PDS5A: variants seen among roughly 807,000 people sequenced by gnomAD.
PDS5A encodes the protein sister chromatid cohesion protein PDS5 homolog A.
In PDS5A, 42 loss-of-function variants were observed where a neutral mutation model predicts 167.1. The observed-to-expected ratio is 0.25, with a 90% confidence interval of 0.20 to 0.33. The LOEUF is 0.33. Among genes scored for constraint, PDS5A ranks in the 10% least tolerant of loss-of-function variants. The pLI is 1.00. For missense variants in PDS5A, 1,033 were observed against 1,605.9 expected (o/e 0.64, Z 6.10); for synonymous variants, 553 against 554.6 (o/e 1.00, Z 0.04).
intron 9 of PDS5A, among the ~76,000 whole-genome samples, chr4:39,912,966 A>G (rs1724022247): frequency 6.6e-6 from 1 of 152,210 alleles, no homozygotes; most frequent in Non-Finnish European, 1.5e-5. Context: ...TAAATGAAAA[A>G]GTTGGTAGGC....
intron 32 of PDS5A, among the ~76,000 whole-genome samples, chr4:39,829,211 G>C (rs763556731): frequency 6.6e-6 from 1 of 152,154 alleles, no homozygotes; most frequent in African/African-American, 2.4e-5. Context: ...AAATGCAGGT[G>C]GAATGTCAAA....
At chr4:39,971,479 A>G (rs993589098) in intron 2 of PDS5A, among the ~76,000 whole-genome samples, 1 of 151,408 alleles carries the variant, frequency 6.6e-6, no homozygotes, top group Non-Finnish European at 1.5e-5. Context: ...TTTTTTAATG[A>G]GACAGAGTCT....
chr4:39,936,478 A>G (rs1445552621), intron 2 of PDS5A, among the ~76,000 whole-genome samples: 1 of 152,184 alleles, frequency 6.6e-6, no homozygotes, highest in Admixed American at 6.6e-5. Flanking sequence ...GCTGTCACCC[A>G]GGCTGGAGTG....
chr4:39,884,641 CCT>C (rs948727327), intron 17 of PDS5A, among the ~76,000 whole-genome samples: 5 of 152,148 alleles, frequency 3.3e-5, no homozygotes, highest in African/African-American at 1.2e-4. Flanking sequence ...CTCCTTAGCC[CCT>C]CTTTGGTTTC....
intron 32 of PDS5A, among the ~76,000 whole-genome samples, chr4:39,835,591 C>T (rs76692137): frequency 0.037 from 5,647 of 152,142 alleles, 323 homozygotes; most frequent in African/African-American, 0.13. Context: ...GGCCGGATCT[C>T]GGCTCACTGC....
chr4:39,906,979 A>G (rs1723435441), intron 11 of PDS5A, among the ~76,000 whole-genome samples: 1 of 150,940 alleles, frequency 6.6e-6, no homozygotes, highest in East Asian at 2.0e-4. Context: ...TCCTGTTCCC[A>G]AATTTCTAGA....
chr4:39,897,123 G>A (rs970740785), intron 16 of PDS5A, among the ~76,000 whole-genome samples: 5 of 152,158 alleles, frequency 3.3e-5, no homozygotes, highest in African/African-American at 9.7e-5. Context: ...GCCTGGGTGT[G>A]TGGCTCATGC....
At chr4:39,872,261 C>CT (rs1720107789) in intron 21 of PDS5A, among the ~76,000 whole-genome samples, 1 of 147,106 alleles carries the variant, frequency 6.8e-6, no homozygotes, top group African/African-American at 2.5e-5. Context: ...ACTGCAACCT[C>CT]TGCCTTCTGG....
chr4:39,904,872 T>C (rs565708949), intron 11 of PDS5A, among the ~76,000 whole-genome samples: 142 of 152,326 alleles, frequency 9.3e-4, no homozygotes, highest in Middle Eastern at 3.4e-3. Flanking sequence ...TTTGATTCTA[T>C]TGAAAGAAAA....
intron 2 of PDS5A, among the ~76,000 whole-genome samples, chr4:39,941,121 T>C (rs1727184507): frequency 6.6e-6 from 1 of 152,232 alleles, no homozygotes; most frequent in Admixed American, 6.5e-5. Context: ...AGTTTTACTT[T>C]TCTCCAATTT....
At position 39,973,668 on chromosome 4, in the gene PDS5A, G is replaced by A. The variant is rs888261023; in HGVS notation, c.138+2772C>T. 3.0e-5 allele frequency: 39 copies of A among 1,293,874 alleles called. No individual in the cohort carries two copies. The East Asian group carries it at 4.6e-4, about 15-fold the overall frequency. 80.1% of individuals were successfully genotyped at this position (1,293,874 alleles called of 1,614,324 possible). A position where few individuals can be genotyped will look rare whatever the true frequency, so the allele number is the denominator to read the frequency against. Reference sequence around the variant, plus strand: ...GTAGAACTGTGGCCACAAAACCATCGTATGTAGCTTTAGCTCAGCGCAAAG... The same window carrying A: ...GTAGAACTGTGGCCACAAAACCATCATATGTAGCTTTAGCTCAGCGCAAAG... On this transcript the variant is annotated intron_variant, in intron 2 of 32. Coordinates refer to ENST00000303538, the MANE Select transcript of PDS5A (RefSeq NM_001100399.2).
chr4:39,913,786 C>A (rs1724102382), intron 8 of PDS5A, 60 bp from the exon 9 acceptor site: 2 of 884,940 alleles, frequency 2.3e-6, no homozygotes, highest in Non-Finnish European at 3.8e-6. Flanking sequence ...CAGAAAATAT[C>A]TTGAAACATT....
At position 39,838,201 on chromosome 4, in the gene PDS5A, T is replaced by C; in HGVS notation, c.3665A>G (p.Asn1222Ser). The stretch of plus-strand genomic sequence containing the variant: ...GTTGCCCTGGGTAGCCTGATCAGAA[T>C]TAATTTCCTAAAAAAGCACAAAACA... ...NIDPVKNKEI[N>S]SDQATQGNIS... is the part of the protein sequence containing the mutation. Residue 1222 changes from asparagine to serine, a missense_variant, in exon 32 of 33, where the codon AAT (asparagine) becomes AGT (serine). Physicochemically the swap from Asn to Ser is conservative, Grantham distance 46 (BLOSUM62 1). Transcript: ENST00000303538. 1 of 1,555,622 alleles carries C rather than the reference T, an allele frequency of 6.4e-7. No homozygotes were observed. The highest frequency in any genetic ancestry group is 8.7e-7 in the Non-Finnish European group (1 of 1,156,044).
At chr4:39,901,266 C>CTTTTTTTTTTTTTTTTTT (rs772230554) in intron 13 of PDS5A, among the ~76,000 whole-genome samples, 11 of 121,272 alleles carry the variant, frequency 9.1e-5, no homozygotes, top group East Asian at 2.5e-4. Flanking sequence ...TCTTTTCTTT[C>CTTTTTTTTTTTTTTTTTT]TTTTTTTTTT....
intron 2 of PDS5A, among the ~76,000 whole-genome samples, chr4:39,965,825 G>A (rs1176664133): frequency 6.6e-6 from 1 of 152,136 alleles, no homozygotes; most frequent in Non-Finnish European, 1.5e-5. Context: ...TAGAGTTCCA[G>A]TTGGGGAAGA....
At chr4:39,882,156 T>C (rs567986356) in intron 17 of PDS5A, among the ~76,000 whole-genome samples, 3 of 152,202 alleles carry the variant, frequency 2.0e-5, no homozygotes, top group African/African-American at 7.2e-5. Flanking sequence ...TAAAACAAAA[T>C]AAAATAAAAA....
intron 26 of PDS5A, among the ~76,000 whole-genome samples, chr4:39,854,391 C>T (rs553233844): frequency 5.9e-5 from 9 of 152,262 alleles, no homozygotes; most frequent in South Asian, 2.1e-4. Context: ...TTCCAGTACA[C>T]GTAACATATA....
At chr4:39,865,001 TAA>T (rs1213057056) in intron 23 of PDS5A, among the ~76,000 whole-genome samples, 1 of 152,126 alleles carries the variant, frequency 6.6e-6, no homozygotes, top group Non-Finnish European at 1.5e-5. Context: ...AGTGTAAAAA[TAA>T]AGAGTCAAGG....
chr4:39,843,444 A>T (rs1408915998), intron 30 of PDS5A, among the ~76,000 whole-genome samples: 1 of 152,190 alleles, frequency 6.6e-6, no homozygotes, highest in Non-Finnish European at 1.5e-5. Context: ...TAAAAAATAA[A>T]CATTTTGGGC....
Sources: gnomAD v4.1 joint callset for allele counts (sites outside exome capture counted in the v4.1 genomes callset) on GRCh38, gnomAD v4.1.1 for gene constraint, MANE v1.5 for transcripts, NCBI Gene and HGNC (gene_info 2026-07-23, HGNC 2026-07-21) for gene names.